The following DNAH14 variants were observed in gnomAD, a reference collection of about 807,000 sequenced individuals.
DNAH14 encodes the protein dynein axonemal heavy chain 14, also known as axonemal beta dynein heavy chain 14.
Under a neutral mutation model 520.9 loss-of-function variants are expected in DNAH14, and 478 were observed. The observed-to-expected ratio is 0.92, with a 90% confidence interval of 0.85 to 0.99. DNAH14 has a LOEUF of 0.99. Among genes scored for constraint, DNAH14 ranks in the 50% least tolerant of loss-of-function variants. The probability of loss-of-function intolerance (pLI) is 0.00; values close to 1 mark genes in which losing one functional copy is unlikely to be tolerated. For synonymous variants in DNAH14, 1,581 were observed against 1,757.2 expected, an observed-to-expected ratio of 0.90 and a Z score of 2.51; for missense variants, 4,831 against 5,234.5, an observed-to-expected ratio of 0.92 and a Z score of 2.38.
intron 75 of DNAH14, among the ~76,000 whole-genome samples, chr1:225,361,913 T>G (rs1329635411): frequency 2.6e-5 from 4 of 152,236 alleles, no homozygotes; most frequent in African/African-American, 9.6e-5. Context: ...TTCACATTTA[T>G]TTCATGACTT....
intron 17 of DNAH14, among the ~76,000 whole-genome samples, chr1:225,059,831 CT>C (rs1483591707): frequency 6.6e-6 from 1 of 152,190 alleles, no homozygotes; most frequent in African/African-American, 2.4e-5. Context: ...AAATTCTTTT[CT>C]TTAAGAATGT....
At chr1:225,390,012 A>G in intron 83 of DNAH14, 139 bp downstream of exon 83, 3 of 738,376 alleles carry the variant, frequency 4.1e-6, no homozygotes, top group Non-Finnish European at 6.5e-6. Flanking sequence ...TCTAGTGTGC[A>G]CCAGAGCAGT....
At chr1:225,031,264 T>G (rs943279671) in intron 11 of DNAH14, among the ~76,000 whole-genome samples, 1 of 152,112 alleles carries the variant, frequency 6.6e-6, no homozygotes, top group African/African-American at 2.4e-5. Context: ...TAACTTTTCT[T>G]TGGTAGACAA....
intron 21 of DNAH14, among the ~76,000 whole-genome samples, chr1:225,087,790 C>T (rs2073974562): frequency 6.6e-6 from 1 of 152,180 alleles, no homozygotes; most frequent in African/African-American, 2.4e-5. Context: ...TGGCAGGCCC[C>T]TACACAAGCA....
At position 225,353,884 on chromosome 1, in the gene DNAH14, T is replaced by C; in HGVS notation, c.11615T>C (p.Ile3872Thr). ...AAACTCACTTCATTTCAAAGACTTA[T>C]TTTGGTAAGATATCTTATGAGGAAA... is the stretch of plus-strand genomic sequence containing the variant. ...WEKLTSFQRLILVKVLRPESL... is the reference protein window; with the variant it reads ...WEKLTSFQRLTLVKVLRPESL... Residue 3872 changes from isoleucine (I) to threonine (T), a missense_variant, in exon 73 of 86, where the codon ATT (isoleucine) becomes ACT (threonine). By Grantham distance (89) the Ile-to-Thr change is moderately conservative. Transcript: ENST00000682510. The C allele has an allele frequency of 6.2e-6, 9 of 1,453,838 alleles. No homozygotes were observed. Among genetic ancestry groups the C allele is most frequent in the Non-Finnish European group, 8.5e-6 (9 of 1,064,104 alleles). The allele number at this position is 1,453,838 out of a possible 1,614,324, so 90.1% of individuals were successfully genotyped here. A position where few individuals can be genotyped will look rare whatever the true frequency, so the allele number is the denominator to read the frequency against.
intron 17 of DNAH14, among the ~76,000 whole-genome samples, chr1:225,071,112 A>C (rs1310077827): frequency 6.6e-6 from 1 of 152,118 alleles, no homozygotes; most frequent in Non-Finnish European, 1.5e-5. Context: ...CAGCATACCA[A>C]TGGGTCTTGA....
chr1:224,940,672 T>TC (rs1294993993), intron 1 of DNAH14, among the ~76,000 whole-genome samples: 13 of 151,312 alleles, frequency 8.6e-5, no homozygotes, highest in Admixed American at 3.3e-4. Flanking sequence ...CCCTCCCCCT[T>TC]CCCCCCACCC....
chr1:225,024,907 TACA>T (rs989134577), intron 11 of DNAH14, among the ~76,000 whole-genome samples: 44 of 152,316 alleles, frequency 2.9e-4, no homozygotes, highest in African/African-American at 1.0e-3. Flanking sequence ...GTCACTGAAT[TACA>T]ACATCTTATC....
At chr1:225,335,892 T>C (rs376604350) in intron 66 of DNAH14, among the ~76,000 whole-genome samples, 2,303 of 97,656 alleles carry the variant, frequency 0.024, 171 homozygotes, top group Non-Finnish European at 0.038. Flanking sequence ...TATGTACATA[T>C]ACATACATAT....
intron 27 of DNAH14, among the ~76,000 whole-genome samples, chr1:225,130,815 TATAATAATAATA>T (rs202010965): frequency 6.7e-6 from 1 of 150,280 alleles, no homozygotes; most frequent in East Asian, 2.0e-4. Context: ...AAACTTAAAG[TATAATAATAATA>T]ATAATAAAAT....
chr1:225,106,245 A>G (rs983048892), intron 23 of DNAH14, among the ~76,000 whole-genome samples: 20 of 151,700 alleles, frequency 1.3e-4, no homozygotes, highest in Non-Finnish European at 2.9e-5. Flanking sequence ...TTCTGCCGAG[A>G]GACCAGCTGT....
chr1:225,157,831 A>T (rs1315374204), intron 34 of DNAH14, among the ~76,000 whole-genome samples: 1 of 152,212 alleles, frequency 6.6e-6, no homozygotes, highest in South Asian at 2.1e-4. Context: ...ATTCAGAAGA[A>T]AGACTCAGCG....
At chr1:225,102,743 T>C (rs1319176970) in intron 23 of DNAH14, among the ~76,000 whole-genome samples, 1 of 152,232 alleles carries the variant, frequency 6.6e-6, no homozygotes, top group Non-Finnish European at 1.5e-5. Flanking sequence ...GGTTGTTTGT[T>C]TTTTTCTTGT....
At chr1:225,048,253 C>A (rs975750636) in intron 15 of DNAH14, among the ~76,000 whole-genome samples, 12 of 152,204 alleles carry the variant, frequency 7.9e-5, no homozygotes, top group African/African-American at 2.9e-4. Flanking sequence ...GTAATCCCAG[C>A]ACTTTGGGAG....
At chr1:225,059,164 T>A (rs1207863135) in intron 17 of DNAH14, among the ~76,000 whole-genome samples, 7 of 152,274 alleles carry the variant, frequency 4.6e-5, no homozygotes, top group African/African-American at 1.7e-4. Flanking sequence ...GGAGTCTAAG[T>A]CTCTTTGTAG....
intron 35 of DNAH14, among the ~76,000 whole-genome samples, chr1:225,164,954 T>C (rs2081905132): frequency 2.0e-5 from 3 of 152,160 alleles, no homozygotes; most frequent in Admixed American, 6.5e-5. Flanking sequence ...TCAAACTTAC[T>C]TTTTATATCT....
intron 1 of DNAH14, among the ~76,000 whole-genome samples, chr1:224,942,470 A>T (rs551621878): frequency 4.6e-4 from 70 of 152,136 alleles, no homozygotes; most frequent in African/African-American, 1.6e-3. Context: ...TTTGACTTCC[A>T]CTTTTCCTAA....
chr1:225,331,632 C>T, intron 65 of DNAH14, 55 bp downstream of exon 65: 1 of 1,546,588 alleles, frequency 6.5e-7, no homozygotes, highest in South Asian at 1.2e-5. Context: ...GGCCCAACAA[C>T]CCCCAAGATG....
At chr1:225,094,667 AAAAAAAAAAAAC>A (rs1444350136) in intron 21 of DNAH14, among the ~76,000 whole-genome samples, 2 of 100,268 alleles carry the variant, frequency 2.0e-5, no homozygotes, top group South Asian at 5.8e-4. Context: ...AAAAAAAAAA[AAAAAAAAAAAAC>A]AACAAAACAA....
Sources: gnomAD v4.1 joint callset for allele counts (sites outside exome capture counted in the v4.1 genomes callset) on GRCh38, gnomAD v4.1.1 for gene constraint, MANE v1.5 for transcripts, NCBI Gene and HGNC (gene_info 2026-07-23, HGNC 2026-07-21) for gene names.